Variants in DGKB observed in about 807,000 individuals in gnomAD.
The protein encoded by DGKB is 90 kDa diacylglycerol kinase.
A neutral mutation model predicts 114.3 loss-of-function variants in DGKB; 67 were observed. The observed-to-expected ratio is 0.59, with a 90% CI of 0.48 to 0.72. The LOEUF is 0.72. Ranked by LOEUF, DGKB falls within the 30% of genes least tolerant of loss-of-function variation. DGKB has a pLI of 0.00. For synonymous variants in DGKB, 398 were observed against 323.1 expected, an observed-to-expected ratio of 1.23 and a Z score of -2.49; for missense variants, 907 against 975.2, an observed-to-expected ratio of 0.93 and a Z score of 0.93.
intron 20 of DGKB, among the ~76,000 whole-genome samples, chr7:14,482,856 G>C (rs78794501): frequency 0.021 from 3,222 of 152,180 alleles, 91 homozygotes; most frequent in African/African-American, 0.072. Flanking sequence ...CCACAAGTGG[G>C]ATTATTTCCC....
intron 23 of DGKB, among the ~76,000 whole-genome samples, chr7:14,316,885 A>G (rs1256133579): frequency 2.4e-5 from 3 of 123,172 alleles, no homozygotes; most frequent in East Asian, 2.5e-4. Context: ...AAAATCCTCA[A>G]TAAAATACTG....
At chr7:14,613,751 T>C (rs1043953128) in intron 15 of DGKB, among the ~76,000 whole-genome samples, 2 of 151,842 alleles carry the variant, frequency 1.3e-5, no homozygotes, top group African/African-American at 4.8e-5. Flanking sequence ...CAAGCCAGAA[T>C]ACAGCAGAAT....
chr7:14,826,118 C>T (rs1845679272), intron 2 of DGKB, among the ~76,000 whole-genome samples: 1 of 152,232 alleles, frequency 6.6e-6, no homozygotes, highest in Non-Finnish European at 1.5e-5. Context: ...TGAAAGTGAG[C>T]CAAGCCTTTA....
chr7:14,178,460 G>C (rs1164846302), intron 23 of DGKB, among the ~76,000 whole-genome samples: 1 of 148,190 alleles, frequency 6.7e-6, no homozygotes, highest in Non-Finnish European at 1.5e-5. Context: ...CAAACTTAAT[G>C]TTATTCCACA....
intron 2 of DGKB, among the ~76,000 whole-genome samples, chr7:14,778,935 A>G (rs1319517347): frequency 6.6e-6 from 1 of 152,102 alleles, no homozygotes; most frequent in Non-Finnish European, 1.5e-5. Context: ...GTGGGCAGAA[A>G]GCCTGAGGTC....
chr7:14,709,012 A>G (rs1442806655), intron 6 of DGKB, among the ~76,000 whole-genome samples: 1 of 148,234 alleles, frequency 6.7e-6, no homozygotes, highest in Non-Finnish European at 1.5e-5. Flanking sequence ...AGAAACTACC[A>G]TCAGAGTGAA....
At chr7:14,848,635 T>A (rs1217478653) in intron 1 of DGKB, among the ~76,000 whole-genome samples, 1 of 152,248 alleles carries the variant, frequency 6.6e-6, no homozygotes, top group African/African-American at 2.4e-5. Flanking sequence ...GGGCAAAGAC[T>A]GCAATTAGCA....
At chr7:14,767,947 T>C (rs933730956) in intron 2 of DGKB, among the ~76,000 whole-genome samples, 3 of 151,940 alleles carry the variant, frequency 2.0e-5, no homozygotes, top group Non-Finnish European at 2.9e-5. Flanking sequence ...ACTAATAACA[T>C]CCTGTTTTAA....
chr7:14,196,246 C>A (rs1785007329), intron 23 of DGKB, among the ~76,000 whole-genome samples: 1 of 152,110 alleles, frequency 6.6e-6, no homozygotes, highest in South Asian at 2.1e-4. Flanking sequence ...AACACACTTT[C>A]CTCATTGCCT....
chr7:14,911,279 T>C (rs1368002951), intron 1 of DGKB, among the ~76,000 whole-genome samples: 1 of 152,148 alleles, frequency 6.6e-6, no homozygotes, highest in Non-Finnish European at 1.5e-5. Flanking sequence ...TAAGTGTAGT[T>C]GTGTAAGGAC....
chr7:14,830,903 G>A (rs1470135964), intron 2 of DGKB, among the ~76,000 whole-genome samples: 1 of 151,856 alleles, frequency 6.6e-6, no homozygotes, highest in African/African-American at 2.4e-5. Flanking sequence ...GAAAAACTGT[G>A]TGCACACACA....
intron 22 of DGKB, among the ~76,000 whole-genome samples, 156 bp from the exon 23 acceptor site, chr7:14,338,866 G>C (rs1188845815): frequency 1.3e-5 from 2 of 151,988 alleles, no homozygotes; most frequent in Non-Finnish European, 2.9e-5. Context: ...CACTTACCCT[G>C]AGTCAATATA....
At chr7:14,768,020 T>C (rs188653100) in intron 2 of DGKB, among the ~76,000 whole-genome samples, 1 of 152,112 alleles carries the variant, frequency 6.6e-6, no homozygotes, top group African/African-American at 2.4e-5. Flanking sequence ...CAGCTCTCTG[T>C]ACACTTACCA....
chr7:14,329,470 A>T (rs1809327822), intron 23 of DGKB, among the ~76,000 whole-genome samples: 1 of 152,030 alleles, frequency 6.6e-6, no homozygotes, highest in African/African-American at 2.4e-5. Flanking sequence ...AGTTTTTCTC[A>T]GTTATTATTC....
At chr7:14,345,258 G>T in intron 22 of DGKB, 43 bp downstream of exon 22, 1 of 1,143,174 alleles carries the variant, frequency 8.7e-7, no homozygotes, top group Non-Finnish European at 1.3e-6. Context: ...CAAAGCTCAA[G>T]CCATTTCATC....
intron 20 of DGKB, among the ~76,000 whole-genome samples, chr7:14,545,871 G>C (rs1237497165): frequency 6.6e-6 from 1 of 152,210 alleles, no homozygotes; most frequent in Non-Finnish European, 1.5e-5. Context: ...ATCACCTCTT[G>C]AAGAAGAGAC....
At chr7:14,470,535 T>C (rs960482772) in intron 21 of DGKB, among the ~76,000 whole-genome samples, 1 of 151,892 alleles carries the variant, frequency 6.6e-6, no homozygotes, top group Non-Finnish European at 1.5e-5. Flanking sequence ...TAAAAATCAA[T>C]TGTACTCCTG....
chr7:14,195,757 T>A (rs1314815510), intron 23 of DGKB, among the ~76,000 whole-genome samples: 1 of 152,148 alleles, frequency 6.6e-6, no homozygotes, highest in Admixed American at 6.6e-5. Context: ...AACATTAAAA[T>A]AAGGACAGAA....
intron 2 of DGKB, among the ~76,000 whole-genome samples, chr7:14,794,728 T>G (rs1841158205): frequency 6.6e-6 from 1 of 152,048 alleles, no homozygotes; most frequent in Admixed American, 6.6e-5. Context: ...ATGAAGGCAT[T>G]TAATTGAAAA....
Sources: allele counts gnomAD v4.1 joint callset (sites outside exome capture counted in the v4.1 genomes callset), GRCh38; gene constraint gnomAD v4.1.1; transcripts MANE v1.5; gene names NCBI Gene and HGNC (gene_info 2026-07-23, HGNC 2026-07-21).